The following SDK2 variants were observed in gnomAD, a reference collection of about 807,000 sequenced individuals.
SDK2 encodes the protein protein sidekick-2.
SDK2 carries 105 observed loss-of-function variants against 253.9 expected under a neutral mutation model. The ratio of observed to expected loss-of-function variants is 0.41; its 90% confidence interval spans 0.35 to 0.49. The LOEUF (loss-of-function observed/expected upper bound fraction) is 0.49, where lower values mean the gene tolerates loss of function less well. Ranked by LOEUF, SDK2 falls within the 20% of genes least tolerant of loss-of-function variation. The pLI is 0.06. For synonymous variants in SDK2, 1,249 were observed against 1,234.9 expected (o/e 1.01, Z -0.24); for missense variants, 2,608 against 3,003.0 (o/e 0.87, Z 3.07).
chr17:73,608,060 C>G (rs2045929391), intron 1 of SDK2, among the ~76,000 whole-genome samples: 1 of 152,198 alleles, frequency 6.6e-6, no homozygotes, highest in Non-Finnish European at 1.5e-5. Context: ...TTGGACTTCC[C>G]TCGTCTTTCC....
intron 1 of SDK2, among the ~76,000 whole-genome samples, chr17:73,524,110 C>T (rs2064106152): frequency 6.6e-6 from 1 of 152,200 alleles, no homozygotes. Context: ...CTTCTCCATG[C>T]TTGGGCCTCC....
At chr17:73,488,916 A>G (rs2063786700) in intron 2 of SDK2, among the ~76,000 whole-genome samples, 1 of 152,046 alleles carries the variant, frequency 6.6e-6, no homozygotes, top group South Asian at 2.1e-4. Flanking sequence ...CTACCAACGT[A>G]TCCGTCACAC....
At chr17:73,471,277 C>T (rs1020531938) in intron 3 of SDK2, among the ~76,000 whole-genome samples, 3 of 152,120 alleles carry the variant, frequency 2.0e-5, no homozygotes, top group Admixed American at 2.0e-4. Flanking sequence ...TGTTATCACT[C>T]CAGGGTTGAG....
chr17:73,344,453 C>A (rs1473289880), intron 44 of SDK2, among the ~76,000 whole-genome samples: 1 of 152,204 alleles, frequency 6.6e-6, no homozygotes, highest in Non-Finnish European at 1.5e-5. Flanking sequence ...AGGCATGACC[C>A]TCCAAGCAAG....
chr17:73,383,741 G>A lies in SDK2; in HGVS notation c.4705+135C>T. 2 of 1,007,222 alleles carry A rather than the reference G, an allele frequency of 2.0e-6. No individual in the cohort carries two copies. Among genetic ancestry groups the A allele is most frequent in the South Asian group, 1.6e-5 (1 of 63,210 alleles). The allele number at this position is 1,007,222 out of a possible 1,614,324, so 62.4% of individuals were successfully genotyped here. On this transcript the variant is annotated intron_variant, in intron 33 of 44. Transcript: ENST00000392650. This position sits in a 1 kb window ranked among gnomAD's most constrained non-coding sequence, Gnocchi z 4.3. ...TAAATGAATGAATGGGATGGGAGGAGGGAGAGGCACACATGGAGGAGGGAG... is the reference window on the plus strand; with the variant it reads ...TAAATGAATGAATGGGATGGGAGGAAGGAGAGGCACACATGGAGGAGGGAG...
intron 3 of SDK2, among the ~76,000 whole-genome samples, chr17:73,471,138 T>G (rs569825929): frequency 1.3e-5 from 2 of 152,228 alleles, no homozygotes; most frequent in East Asian, 3.9e-4. Flanking sequence ...GGCCTCCCAC[T>G]TCACTCTCTG....
At chr17:73,437,713 C>A in intron 8 of SDK2, 26 bp downstream of exon 8, 1 of 1,589,764 alleles carries the variant, frequency 6.3e-7, no homozygotes, top group Non-Finnish European at 8.6e-7. Context: ...GGTCTTTGTC[C>A]CCCTCCAGCG....
At chr17:73,500,256 C>T (rs538736578) in intron 2 of SDK2, among the ~76,000 whole-genome samples, 6 of 146,812 alleles carry the variant, frequency 4.1e-5, no homozygotes, top group Admixed American at 2.7e-4. Context: ...TCCGTCCATC[C>T]TCCTTCCATC....
At chr17:73,638,824 T>A (rs1028927147) in intron 1 of SDK2, among the ~76,000 whole-genome samples, 16 of 150,906 alleles carry the variant, frequency 1.1e-4, no homozygotes, top group African/African-American at 3.4e-4. Context: ...TTTTTTTTTT[T>A]AATGAGACAG....
intron 1 of SDK2, among the ~76,000 whole-genome samples, chr17:73,581,053 T>G (rs1197114230): frequency 9.5e-6 from 1 of 105,152 alleles, no homozygotes; most frequent in African/African-American, 3.2e-5. Context: ...TATTTTTTGG[T>G]TTTTTTTTTC....
At chr17:73,385,626 G>C (rs1000355777) in intron 32 of SDK2, among the ~76,000 whole-genome samples, 2 of 152,230 alleles carry the variant, frequency 1.3e-5, no homozygotes, top group African/African-American at 4.8e-5. Flanking sequence ...ACTATCTAGA[G>C]AGTGTAATGA....
chr17:73,452,420 T>C lies in SDK2; in HGVS notation c.479+3486A>G, dbSNP rs181312990. On this transcript the variant is annotated intron_variant, in intron 4 of 44. Transcript: ENST00000392650. ...AGGATAAAACCCCCAGAGTGTTCTA[T>C]CATGTAGGTGGTAGGAATATTGCGG... Among the ~76,000 whole-genome samples the C allele has an allele frequency of 8.2e-4, 125 of 152,192 alleles. 2 individuals are homozygous for C. Among genetic ancestry groups the C allele is most frequent in the African/African-American group, 2.9e-3 (121 of 41,530 alleles).
chr17:73,484,535 C>T (rs965982978), intron 2 of SDK2, among the ~76,000 whole-genome samples: 20 of 152,226 alleles, frequency 1.3e-4, no homozygotes, highest in African/African-American at 4.3e-4. Context: ...GGAAGCAGGA[C>T]ACTGGGGCAT....
In SDK2 at chr17:73,447,704, G is replaced by C; in HGVS notation, c.524C>G (p.Ala175Gly). ...CACATAGTAGCGACCTGCGTCAGGG[G>C]CCACCGTTGACAGGATGACAAGGGT... The part of the protein sequence containing the change: ...ENTLVILSTV[A>G]PDAGRYYVQA... Residue 175 changes from alanine (A) to glycine (G), a missense_variant, in exon 5 of 45, where the codon GCC (alanine) becomes GGC (glycine). This residue lies in a region of SDK2 where 1,505 missense variants were observed against 1,859.1 expected (regional missense o/e 0.81). Coordinates refer to ENST00000392650, the MANE Select transcript of SDK2 (RefSeq NM_001144952.2). This position sits in a 1 kb window ranked among gnomAD's most constrained non-coding sequence, Gnocchi z 4.0. The C allele has an allele frequency of 6.4e-7, 1 of 1,551,766 alleles. No individual in the cohort carries two copies. The highest frequency in any genetic ancestry group is 8.7e-7 in the Non-Finnish European group (1 of 1,147,008).
At chr17:73,353,511 C>T (rs2062557663) in intron 40 of SDK2, among the ~76,000 whole-genome samples, 1 of 152,100 alleles carries the variant, frequency 6.6e-6, no homozygotes, top group East Asian at 1.9e-4. Context: ...ACCTCTGCCT[C>T]CCGAGTTCAA....
chr17:73,568,059 T>A (rs1471221751), intron 1 of SDK2, among the ~76,000 whole-genome samples: 1 of 152,230 alleles, frequency 6.6e-6, no homozygotes, highest in Non-Finnish European at 1.5e-5. Flanking sequence ...TTTGGATATG[T>A]GTCCCCTCCA....
At chr17:73,462,143 G>A (rs908991382) in intron 3 of SDK2, among the ~76,000 whole-genome samples, 4 of 152,060 alleles carry the variant, frequency 2.6e-5, no homozygotes, top group Non-Finnish European at 5.9e-5. Context: ...TTGGTGGGAT[G>A]TATAGTTGTA....
At position 73,564,020 on chromosome 17, in the gene SDK2, A is replaced by C. The variant is rs188736848; in HGVS notation, c.65-56423T>G. ...AAGCGATCCACCCACCTTGTTTCACACACCCGGCCTCCCAAAGTGCTGGAA... is the reference window on the plus strand; with the variant it reads ...AAGCGATCCACCCACCTTGTTTCACCCACCCGGCCTCCCAAAGTGCTGGAA... On this transcript the variant is annotated intron_variant, in intron 1 of 44. Coordinates refer to ENST00000392650, the MANE Select transcript of SDK2 (RefSeq NM_001144952.2). Among the ~76,000 whole-genome samples the C allele has an allele frequency of 3.5e-3, 532 of 152,174 alleles. 2 individuals are homozygous for C. Among genetic ancestry groups the C allele is most frequent in the African/African-American group, 0.011 (456 of 41,488 alleles).
intron 2 of SDK2, among the ~76,000 whole-genome samples, chr17:73,490,511 G>A (rs2063798137): frequency 6.7e-6 from 1 of 150,236 alleles, no homozygotes; most frequent in Non-Finnish European, 1.5e-5. Flanking sequence ...TTACTAATAT[G>A]GGCCAGGCAG....
Sources: gnomAD v4.1 joint callset for allele counts (sites outside exome capture counted in the v4.1 genomes callset) on GRCh38, gnomAD v4.1.1 for gene constraint, gnomAD v4.1.1 regional missense constraint, Gnocchi (gnomAD v3.1) non-coding constraint, MANE v1.5 for transcripts, NCBI Gene and HGNC (gene_info 2026-07-23, HGNC 2026-07-21) for gene names.